Variants in KIAA1549 observed in about 807,000 individuals in gnomAD.
KIAA1549 encodes UPF0606 protein KIAA1549.
Under a neutral mutation model 156.4 loss-of-function variants are expected in KIAA1549, and 70 were observed. That is an observed-to-expected ratio of 0.45 (90% CI 0.37 to 0.55). The LOEUF (loss-of-function observed/expected upper bound fraction) is 0.55. KIAA1549 is among the 20% of genes least tolerant of loss of function. The pLI is 0.00. For missense variants in KIAA1549, 2,428 were observed against 2,540.9 expected, an observed-to-expected ratio of 0.96 and a Z score of 0.96; for synonymous variants, 1,103 against 1,066.4, an observed-to-expected ratio of 1.03 and a Z score of -0.67.
At position 138,903,791 on chromosome 7, in the gene KIAA1549, CAGTGTGTGTGTGTGTGTG is replaced by C. The variant is rs1811911359; in HGVS notation, c.3521-73_3521-56del. The stretch of plus-strand genomic sequence containing the variant: ...CCAAAACAAGTCAGCAGTAAAAAAA[CAGTGTGTGTGTGTGTGTG>C]TGTGTGTGTGTGTGTGTGTGTGTGT... On this transcript the variant is annotated intron_variant, in intron 7 of 19. Coordinates refer to ENST00000422774, the MANE Select transcript of KIAA1549 (RefSeq NM_001164665.2). 3.0e-6 allele frequency: 4 copies of C among 1,352,602 alleles called. No homozygotes were observed. The Admixed American group carries it at 7.0e-5, about 24-fold the overall frequency. 83.8% of individuals were successfully genotyped at this position (1,352,602 alleles called of 1,614,324 possible).
At chr7:138,847,640 A>T (rs2130341543) in intron 17 of KIAA1549, among the ~76,000 whole-genome samples, 1 of 152,308 alleles carries the variant, frequency 6.6e-6, no homozygotes, top group Non-Finnish European at 1.5e-5. Context: ...GTACCATCTT[A>T]ATCACTTGAC....
intron 1 of KIAA1549, among the ~76,000 whole-genome samples, chr7:138,979,299 A>C (rs1398309564): frequency 6.6e-6 from 1 of 152,306 alleles, no homozygotes; most frequent in African/African-American, 2.4e-5. Context: ...GGCAGTGCAA[A>C]CAGCTTCACT....
chr7:138,958,115 T>C (rs757290135), intron 1 of KIAA1549, among the ~76,000 whole-genome samples: 1 of 152,254 alleles, frequency 6.6e-6, no homozygotes, highest in Non-Finnish European at 1.5e-5. Context: ...TCTGGATACA[T>C]GCACGTTAAT....
intron 1 of KIAA1549, among the ~76,000 whole-genome samples, chr7:138,956,873 A>C (rs1295946315): frequency 1.3e-5 from 2 of 152,170 alleles, no homozygotes; most frequent in African/African-American, 4.8e-5. Flanking sequence ...GATTTAACAA[A>C]TATTTATTGA....
At chr7:138,935,876 A>T (rs554387970) in intron 1 of KIAA1549, among the ~76,000 whole-genome samples, 1 of 152,344 alleles carries the variant, frequency 6.6e-6, no homozygotes, top group South Asian at 2.1e-4. Flanking sequence ...AGCAGCAAGG[A>T]CAAAGGCACC....
chr7:138,963,407 G>A (rs1250938764), intron 1 of KIAA1549, among the ~76,000 whole-genome samples: 8 of 152,214 alleles, frequency 5.3e-5, no homozygotes, highest in African/African-American at 1.9e-4. Flanking sequence ...CATTCTACAG[G>A]TATATCTTGT....
intron 1 of KIAA1549, among the ~76,000 whole-genome samples, chr7:138,924,527 A>G (rs1232170644): frequency 6.6e-6 from 1 of 152,230 alleles, no homozygotes; most frequent in Non-Finnish European, 1.5e-5. Flanking sequence ...GAATTAAATC[A>G]ACTAGGCCTT....
intron 1 of KIAA1549, among the ~76,000 whole-genome samples, chr7:138,955,109 A>C (rs547354340): frequency 4.9e-4 from 75 of 152,294 alleles, no homozygotes; most frequent in Non-Finnish European, 8.4e-4. Context: ...ACACCACTAG[A>C]TTTCGAGGAA....
intron 1 of KIAA1549, among the ~76,000 whole-genome samples, chr7:138,934,005 C>G (rs1024486643): frequency 3.9e-5 from 6 of 152,064 alleles, no homozygotes; most frequent in African/African-American, 1.4e-4. Flanking sequence ...ACAACTCTTG[C>G]AAAATAAAAA....
At chr7:138,862,012 C>T (rs1240591441) in intron 15 of KIAA1549, among the ~76,000 whole-genome samples, 1 of 152,010 alleles carries the variant, frequency 6.6e-6, no homozygotes, top group Non-Finnish European at 1.5e-5. Context: ...CATTTCAGTA[C>T]CTGGAAGTGA....
chr7:138,939,386 G>A (rs11983333), intron 1 of KIAA1549, among the ~76,000 whole-genome samples: 1 of 151,962 alleles, frequency 6.6e-6, no homozygotes. Context: ...GTGTCTCTTA[G>A]GTCTCTTTTA....
chr7:138,837,697 C>T lies in KIAA1549; in HGVS notation c.*209G>A. ...CCAAAATACATATATTTCAACTGAA[C>T]CCAAGTGTTCAGACAATTGCCAGCC... is the stretch of plus-strand genomic sequence containing the variant. On this transcript the variant is annotated 3_prime_UTR_variant, in exon 20 of 20. Transcript: ENST00000422774. The T allele has an allele frequency of 1.7e-6, 1 of 593,934 alleles. No homozygotes were observed. The highest frequency in any genetic ancestry group is 2.9e-6 in the Non-Finnish European group (1 of 341,744). 36.8% of individuals were successfully genotyped at this position (593,934 alleles called of 1,614,324 possible).
rs1301818092 is a variant in KIAA1549, at chr7:138,981,017, T to C, written c.187+66A>G. 2 of 1,191,600 alleles carry C rather than the reference T, an allele frequency of 1.7e-6. No individual in the cohort carries two copies. The highest frequency in any genetic ancestry group is 2.1e-6 in the Non-Finnish European group (2 of 960,236). The allele number at this position is 1,191,600 out of a possible 1,614,324, so 73.8% of individuals were successfully genotyped here. Reference sequence around the variant, plus strand: ...GGATGGGCGGGGAAAGCCGGGGTTTTGAAAACAGCAGCGATAAAGGCAGGC... The same window carrying C: ...GGATGGGCGGGGAAAGCCGGGGTTTCGAAAACAGCAGCGATAAAGGCAGGC... On this transcript the variant is annotated intron_variant, in intron 1 of 19. Transcript: ENST00000422774. The surrounding 1 kb of genome is among the most constrained non-coding windows in gnomAD (Gnocchi z 4.5).
intron 4 of KIAA1549, among the ~76,000 whole-genome samples, chr7:138,909,711 C>G (rs1334304338): frequency 2.0e-5 from 3 of 152,136 alleles, no homozygotes; most frequent in African/African-American, 7.2e-5. Context: ...CTTTGGGAGG[C>G]TGAGGCGGGC....
At chr7:138,868,992 A>G (rs956076842) in intron 14 of KIAA1549, among the ~76,000 whole-genome samples, 5 of 152,198 alleles carry the variant, frequency 3.3e-5, no homozygotes, top group Non-Finnish European at 5.9e-5. Flanking sequence ...CATACATGAG[A>G]GCCGTGTTTA....
At chr7:138,903,483 T>C in intron 8 of KIAA1549, 105 bp downstream of exon 8, 1 of 1,194,946 alleles carries the variant, frequency 8.4e-7, no homozygotes, top group East Asian at 2.5e-5. Flanking sequence ...TCATGGCACT[T>C]CTCATTTGCA....
chr7:138,855,790 CA>C (rs1252516650), intron 16 of KIAA1549, among the ~76,000 whole-genome samples: 3 of 152,076 alleles, frequency 2.0e-5, no homozygotes, highest in African/African-American at 4.8e-5. Context: ...TCTCATTCTC[CA>C]TAATAGGTCT....
intron 18 of KIAA1549, 114 bp downstream of exon 18, chr7:138,844,203 G>A (rs1810002528): frequency 7.4e-6 from 9 of 1,218,538 alleles, no homozygotes; most frequent in Non-Finnish European, 1.1e-5. Flanking sequence ...AAACAGCCCT[G>A]AAACAGCAGT....
intron 15 of KIAA1549, among the ~76,000 whole-genome samples, chr7:138,865,922 G>A (rs1563054541): frequency 6.6e-6 from 1 of 152,158 alleles, no homozygotes; most frequent in African/African-American, 2.4e-5. Context: ...GGGACAAGAA[G>A]GGATGCTGCC....
Sources: allele counts gnomAD v4.1 joint callset (sites outside exome capture counted in the v4.1 genomes callset), GRCh38; gene constraint gnomAD v4.1.1; non-coding constraint Gnocchi (gnomAD v3.1); transcripts MANE v1.5; gene names NCBI Gene and HGNC (gene_info 2026-07-23, HGNC 2026-07-21).